BAZ2B: variants seen among roughly 807,000 people sequenced by gnomAD.
BAZ2B encodes bromodomain adjacent to zinc finger domain 2B.
A neutral mutation model predicts 246.0 loss-of-function variants in BAZ2B; 91 were observed. That is an observed-to-expected ratio of 0.37 (90% CI 0.31 to 0.44). The LOEUF (loss-of-function observed/expected upper bound fraction) is 0.44, where lower values mean the gene tolerates loss of function less well. Among genes scored for constraint, BAZ2B ranks in the 20% least tolerant of loss-of-function variants. The pLI, the probability that BAZ2B is intolerant of heterozygous loss-of-function variation, is 1.00. For synonymous variants in BAZ2B, 855 were observed against 860.0 expected, an observed-to-expected ratio of 0.99 and a Z score of 0.10; for missense variants, 2,332 against 2,533.7, an observed-to-expected ratio of 0.92 and a Z score of 1.71.
the BAZ2B span, among the ~76,000 whole-genome samples, chr2:159,631,872 T>A: frequency 2.0e-5 from 3 of 152,122 alleles, no homozygotes; most frequent in Non-Finnish European, 2.9e-5. Context: ...AATATATGTG[T>A]CCAATACATG....
chr2:159,400,578 T>C (rs1375671823), intron 17 of BAZ2B, 21 bp downstream of exon 17: 6 of 1,416,744 alleles, frequency 4.2e-6, no homozygotes, highest in East Asian at 4.7e-5. Flanking sequence ...ACTTTAATTA[T>C]ATTAAATTTA....
the BAZ2B span, among the ~76,000 whole-genome samples, chr2:159,660,634 G>C: frequency 6.6e-6 from 1 of 152,094 alleles, no homozygotes; most frequent in East Asian, 1.9e-4. Context: ...TTTTGAGACA[G>C]AGTCTCACTC....
rs114386839 is a variant in BAZ2B at position 159,450,097 on chromosome 2, T to G, written c.335-1688A>C. Among the ~76,000 whole-genome samples the G allele has an allele frequency of 4.1e-3, 623 of 152,298 alleles. 4 individuals carry two copies. The highest frequency in any genetic ancestry group is 0.014 in the African/African-American group (595 of 41,558). The stretch of plus-strand genomic sequence containing the variant: ...GAGTCTGTAATTAAAGTGGAATTCA[T>G]AGACTTTGTAAACAACCAAAAAATT... On this transcript the variant is annotated intron_variant, in intron 4 of 36. Coordinates refer to ENST00000392783, the MANE Select transcript of BAZ2B (RefSeq NM_013450.4).
intron 27 of BAZ2B, among the ~76,000 whole-genome samples, chr2:159,365,664 T>C (rs567067389): frequency 2.6e-5 from 4 of 152,298 alleles, no homozygotes; most frequent in African/African-American, 9.6e-5. Context: ...ATTCTGCAAG[T>C]GGGAGATTTT....
intron 9 of BAZ2B, among the ~76,000 whole-genome samples, chr2:159,431,686 C>G (rs980859386): frequency 6.6e-6 from 1 of 152,142 alleles, no homozygotes; most frequent in East Asian, 1.9e-4. Flanking sequence ...CTCAAAAAAC[C>G]AGGCTTACAG....
At position 159,531,568 on chromosome 2, in the gene BAZ2B, G is replaced by C. The variant is rs575649225; in HGVS notation, c.-3+24255C>G. 2.0e-5 allele frequency among the ~76,000 whole-genome samples: 3 copies of C among 152,086 alleles called. No homozygotes were observed. The South Asian group carries it at 6.2e-4, about 32-fold the overall frequency. On this transcript the variant is annotated intron_variant, in intron 2 of 36. Coordinates refer to ENST00000392783, the MANE Select transcript of BAZ2B (RefSeq NM_013450.4). ...GCTGAGAACAATTTATTAGACCATG[G>C]AAAAGACTCCTGAATACTAGAAGGT...
upstream of BAZ2B, among the ~76,000 whole-genome samples, chr2:159,618,172 G>T (rs1339316211): frequency 6.6e-6 from 1 of 152,016 alleles, no homozygotes; most frequent in Non-Finnish European, 1.5e-5. Flanking sequence ...ACCACACTCA[G>T]TAATTTCATT....
intron 27 of BAZ2B, among the ~76,000 whole-genome samples, chr2:159,367,820 G>A (rs901733401): frequency 6.6e-6 from 1 of 152,052 alleles, no homozygotes; most frequent in Admixed American, 6.6e-5. Context: ...AGTGGGAGGT[G>A]GAGCTTGCAG....
chr2:159,538,409 C>T (rs11896366), intron 2 of BAZ2B, among the ~76,000 whole-genome samples: 4,755 of 152,182 alleles, frequency 0.031, 250 homozygotes, highest in African/African-American at 0.11. Context: ...TTATTTGTAA[C>T]TGCATTTTCA....
intron 34 of BAZ2B, among the ~76,000 whole-genome samples, chr2:159,327,811 C>T (rs2063929522): frequency 6.6e-6 from 1 of 152,066 alleles, no homozygotes; most frequent in Admixed American, 6.5e-5. Context: ...CGCCTGTAAT[C>T]CCAGCGCTTT....
intron 20 of BAZ2B, among the ~76,000 whole-genome samples, chr2:159,394,027 G>A (rs1300609539): frequency 6.6e-6 from 1 of 151,976 alleles, no homozygotes; most frequent in Non-Finnish European, 1.5e-5. Flanking sequence ...TTCTAATGAA[G>A]CCTAGTATGC....
chr2:159,553,727 A>G (rs1020493992), intron 2 of BAZ2B, among the ~76,000 whole-genome samples: 10 of 152,138 alleles, frequency 6.6e-5, no homozygotes, highest in African/African-American at 2.4e-4. Flanking sequence ...TAAAACATAT[A>G]TAAAGTATAT....
At chr2:159,373,570 C>T (rs534013637) in intron 26 of BAZ2B, among the ~76,000 whole-genome samples, 1 of 152,156 alleles carries the variant, frequency 6.6e-6, no homozygotes, top group Non-Finnish European at 1.5e-5. Context: ...GTGGCTCATG[C>T]CTGTAATCCC....
At chr2:159,524,424 A>AG (rs754605792) in intron 2 of BAZ2B, among the ~76,000 whole-genome samples, 3 of 152,308 alleles carry the variant, frequency 2.0e-5, no homozygotes, top group African/African-American at 4.8e-5. Flanking sequence ...ACTACACTCG[A>AG]GCCTGGGCAA....
intron 2 of BAZ2B, among the ~76,000 whole-genome samples, chr2:159,495,939 T>C (rs2081068558): frequency 1.3e-5 from 2 of 151,490 alleles, no homozygotes; most frequent in Admixed American, 6.6e-5. Flanking sequence ...AGCCAATTTT[T>C]TTTTTGTATT....
the BAZ2B span, among the ~76,000 whole-genome samples, chr2:159,692,771 A>G: frequency 2.0e-5 from 3 of 152,318 alleles, no homozygotes; most frequent in East Asian, 5.8e-4. Flanking sequence ...GGTCAACTGT[A>G]AATCCCATAT....
At chr2:159,366,604 C>A (rs1223191354) in intron 27 of BAZ2B, among the ~76,000 whole-genome samples, 3 of 152,192 alleles carry the variant, frequency 2.0e-5, no homozygotes, top group Non-Finnish European at 4.4e-5. Context: ...GAGGATATGA[C>A]CAGCAATTGC....
chr2:159,397,552 T>C (rs2064223192), intron 18 of BAZ2B, among the ~76,000 whole-genome samples, 163 bp from the exon 19 acceptor site: 1 of 152,222 alleles, frequency 6.6e-6, no homozygotes. Flanking sequence ...GTCAATTCGA[T>C]TTTGTATGCT....
At chr2:159,617,898 G>A (rs1696255914), upstream of BAZ2B, among the ~76,000 whole-genome samples, 1 of 152,174 alleles carries the variant, frequency 6.6e-6, no homozygotes, top group African/African-American at 2.4e-5. Context: ...CTGGGGGAAG[G>A]GCAGAAATAC....
Sources: allele counts gnomAD v4.1 joint callset (sites outside exome capture counted in the v4.1 genomes callset), GRCh38; gene constraint gnomAD v4.1.1; transcripts MANE v1.5; gene names NCBI Gene and HGNC (gene_info 2026-07-23, HGNC 2026-07-21).